Variants in CISD2 observed in about 807,000 individuals in gnomAD.
The protein encoded by CISD2 is CDGSH iron-sulfur domain-containing protein 2.
CISD2 carries 1 observed loss-of-function variant against 12.9 expected under a neutral mutation model. That is an observed-to-expected ratio of 0.08 (90% confidence interval 0.03 to 0.37). The LOEUF (loss-of-function observed/expected upper bound fraction) is 0.37, where lower values mean the gene tolerates loss of function less well. Ranked by LOEUF, CISD2 falls within the 10% of genes least tolerant of loss-of-function variation. The probability of loss-of-function intolerance (pLI) is 0.99; values close to 1 mark genes in which losing one functional copy is unlikely to be tolerated. For missense variants in CISD2, 97 were observed against 163.1 expected (o/e 0.59, Z 2.21); for synonymous variants, 50 against 60.6 (o/e 0.83, Z 0.81).
chr4:102,880,511 C>T (rs1040263097), intron 1 of CISD2, among the ~76,000 whole-genome samples: 1 of 151,698 alleles, frequency 6.6e-6, no homozygotes, highest in Non-Finnish European at 1.5e-5. Flanking sequence ...GAATAAAATA[C>T]ATTATTTTAT....
At chr4:102,873,873 C>A (rs952973414) in intron 1 of CISD2, among the ~76,000 whole-genome samples, 2 of 151,650 alleles carry the variant, frequency 1.3e-5, no homozygotes, top group Non-Finnish European at 2.9e-5. Flanking sequence ...TGCCTTTAAT[C>A]CCACCGCTTT....
intron 1 of CISD2, among the ~76,000 whole-genome samples, chr4:102,881,513 G>A (rs1242989290): frequency 6.6e-6 from 1 of 152,206 alleles, no homozygotes; most frequent in South Asian, 2.1e-4. Flanking sequence ...TCATATGCAT[G>A]TATGCATGTA....
rs1023220517 is a variant in CISD2, at chr4:102,875,572, A to G, written c.103+6385A>G. 2.0e-5 allele frequency among the ~76,000 whole-genome samples: 3 copies of G among 152,246 alleles called. No homozygotes were observed. In the South Asian group the frequency reaches 6.2e-4, roughly 31 times the overall value. ...CTTACACTGTCATTATTCATAAGCC[A>G]TGAACAAAGACAAGTAAGTACAGAC... On this transcript the variant is annotated intron_variant, in intron 1 of 2. Coordinates refer to ENST00000273986, the MANE Select transcript of CISD2 (RefSeq NM_001008388.5).
intron 1 of CISD2, 133 bp downstream of exon 1, chr4:102,869,320 G>A (rs1733355213): frequency 8.0e-7 from 1 of 1,253,382 alleles, no homozygotes; most frequent in African/African-American, 1.5e-5. Context: ...GCAGAGGAAG[G>A]TGGGCGCGCG....
At chr4:102,876,146 T>C (rs1316200213) in intron 1 of CISD2, among the ~76,000 whole-genome samples, 1 of 152,216 alleles carries the variant, frequency 6.6e-6, no homozygotes, top group Non-Finnish European at 1.5e-5. Flanking sequence ...GAAGGGACCT[T>C]ATCTATTAGC....
At chr4:102,874,753 G>A (rs1452995151) in intron 1 of CISD2, 1 of 152,188 alleles carries the variant, frequency 6.6e-6, no homozygotes, top group African/African-American at 2.4e-5. Context: ...CTGCAGTTTA[G>A]GGAATCCTAG....
chr4:102,885,971 T>C (rs1733889757), intron 2 of CISD2, among the ~76,000 whole-genome samples: 1 of 152,196 alleles, frequency 6.6e-6, no homozygotes, highest in South Asian at 2.1e-4. Flanking sequence ...TGATAAGTAC[T>C]ATAAGTAGTT....
At chr4:102,885,084 C>A in intron 1 of CISD2, 132 bp from the exon 2 acceptor site, 1 of 746,738 alleles carries the variant, frequency 1.3e-6, no homozygotes, top group Non-Finnish European at 2.4e-6. Flanking sequence ...TATTTATTCA[C>A]AGTTTTATGG....
intron 1 of CISD2, among the ~76,000 whole-genome samples, chr4:102,873,391 C>A (rs960698947): frequency 6.6e-6 from 1 of 152,124 alleles, no homozygotes; most frequent in Non-Finnish European, 1.5e-5. Context: ...CCCACCTCAA[C>A]CTCTTGAGTA....
chr4:102,878,261 G>T (rs926433315), intron 1 of CISD2, among the ~76,000 whole-genome samples: 1 of 151,946 alleles, frequency 6.6e-6, no homozygotes, highest in Non-Finnish European at 1.5e-5. Flanking sequence ...TCAGCCTCCC[G>T]AGTAGAACTA....
chr4:102,873,293 G>A lies in CISD2; in HGVS notation c.103+4106G>A, dbSNP rs186303358. Among the ~76,000 whole-genome samples the A allele has an allele frequency of 4.9e-4, 75 of 152,260 alleles. No homozygotes were observed. The East Asian group carries it at 0.012, about 23-fold the overall frequency. On this transcript the variant is annotated intron_variant, in intron 1 of 2. Coordinates refer to ENST00000273986, the MANE Select transcript of CISD2 (RefSeq NM_001008388.5). Reference sequence around the variant, plus strand: ...TTTTGGTTTTCTTTTGTGAGAAAGGGTTTCACTCTGTTGCCCAGGCTGGAG... The same window carrying A: ...TTTTGGTTTTCTTTTGTGAGAAAGGATTTCACTCTGTTGCCCAGGCTGGAG...
Position 102,869,072 on chromosome 4 carries a change from G to A in CISD2, c.-13G>A. Reference sequence around the variant, plus strand: ...GAGGGGGCTCGGGAGAGGAGTGGACGCCGCTGGCCAGGATGGTGCTGGAGA... The same window carrying A: ...GAGGGGGCTCGGGAGAGGAGTGGACACCGCTGGCCAGGATGGTGCTGGAGA... On this transcript the variant is annotated 5_prime_UTR_variant, in exon 1 of 3. Transcript: ENST00000273986. 6.2e-7 allele frequency: 1 copy of A among 1,603,438 alleles called. No homozygotes were observed. The highest frequency in any genetic ancestry group is 8.5e-7 in the Non-Finnish European group (1 of 1,175,736).
intron 1 of CISD2, among the ~76,000 whole-genome samples, chr4:102,876,091 C>T (rs961875575): frequency 1.3e-5 from 2 of 152,022 alleles, no homozygotes; most frequent in African/African-American, 4.8e-5. Context: ...TTTATTTGTT[C>T]ACTTGTTTAT....
chr4:102,873,020 A>G (rs1202560134), intron 1 of CISD2, among the ~76,000 whole-genome samples: 1 of 152,188 alleles, frequency 6.6e-6, no homozygotes, highest in Non-Finnish European at 1.5e-5. Context: ...TCTTCACATC[A>G]TGGCAGGAAG....
At chr4:102,874,571 T>C (rs1294291746) in intron 1 of CISD2, 1 of 152,198 alleles carries the variant, frequency 6.6e-6, no homozygotes, top group African/African-American at 2.4e-5. Flanking sequence ...ATTGGGGTGA[T>C]AGACCTACAA....
chr4:102,878,475 CT>C (rs1733640915), intron 1 of CISD2, among the ~76,000 whole-genome samples: 1 of 152,212 alleles, frequency 6.6e-6, no homozygotes. Flanking sequence ...ATTTTCCAAA[CT>C]TTTATGCTCT....
rs1463373135 is a variant in CISD2, at chr4:102,890,173, C to A, written c.*2743C>A. ...TATGGAAAGCACCTCACAATTCACA[C>A]AATTCAGCTTTGAGTTCAATGCCAA... On this transcript the variant is annotated 3_prime_UTR_variant, in exon 3 of 3. Transcript: ENST00000273986. 1.3e-5 allele frequency: 2 copies of A among 152,202 alleles called. No homozygotes were observed. Among genetic ancestry groups the A allele is most frequent in the African/African-American group, 2.4e-5 (1 of 41,444 alleles). 9.4% of individuals were successfully genotyped at this position (152,202 alleles called of 1,614,324 possible).
intron 1 of CISD2, among the ~76,000 whole-genome samples, chr4:102,872,542 G>A (rs1156508179): frequency 2.0e-5 from 3 of 152,144 alleles, no homozygotes; most frequent in Admixed American, 1.3e-4. Flanking sequence ...GGTATCATAA[G>A]ATGATATGGC....
chr4:102,879,107 A>G (rs1361600408), intron 1 of CISD2, among the ~76,000 whole-genome samples: 1 of 152,138 alleles, frequency 6.6e-6, no homozygotes, highest in African/African-American at 2.4e-5. Flanking sequence ...TATCAGGAGA[A>G]CAGCATGGGG....
Sources: gnomAD v4.1 joint callset for allele counts (sites outside exome capture counted in the v4.1 genomes callset) on GRCh38, gnomAD v4.1.1 for gene constraint, MANE v1.5 for transcripts, NCBI Gene and HGNC (gene_info 2026-07-23, HGNC 2026-07-21) for gene names.